The following SSRP1 variants were observed in gnomAD, a reference collection of about 807,000 sequenced individuals.
SSRP1 encodes the protein FACT complex subunit SSRP1.
In SSRP1, 21 loss-of-function variants were observed where a neutral mutation model predicts 84.4. That is an observed-to-expected ratio of 0.25 (90% confidence interval 0.18 to 0.36). The LOEUF is 0.36. SSRP1 is among the 10% of genes least tolerant of loss of function. The pLI, the probability that SSRP1 is intolerant of heterozygous loss-of-function variation, is 1.00. For synonymous variants in SSRP1, 319 were observed against 318.3 expected (o/e 1.00, Z -0.02); for missense variants, 519 against 900.8 (o/e 0.58, Z 5.43).
Position 57,331,573 on chromosome 11 carries a change from C to G in SSRP1, c.1223+95G>C, listed in dbSNP as rs566984550. On this transcript the variant is annotated intron_variant, in intron 9 of 16. Coordinates refer to ENST00000278412, the MANE Select transcript of SSRP1 (RefSeq NM_003146.3). ...GATGTAGCAAAAGAAAAATTCTGCT[C>G]TAGGGTTGGAGAGTGCCCCAGGCCA... 1.6e-5 allele frequency: 15 copies of G among 963,952 alleles called. No individual in the cohort carries two copies. In the East Asian group the frequency reaches 3.2e-4, roughly 20 times the overall value. 59.7% of individuals were successfully genotyped at this position (963,952 alleles called of 1,614,324 possible).
At chr11:57,331,972 C>G (rs1056920081) in intron 8 of SSRP1, 83 bp from the exon 9 acceptor site, 2 of 1,495,216 alleles carry the variant, frequency 1.3e-6, no homozygotes, top group Non-Finnish European at 1.8e-6. Flanking sequence ...CACGAGTGCT[C>G]ATGTCCTCGA....
chr11:57,328,163 A>C (rs1856021677), intron 13 of SSRP1, 134 bp downstream of exon 13: 1 of 1,383,504 alleles, frequency 7.2e-7, no homozygotes, highest in South Asian at 1.4e-5. Context: ...TCAAGGCTAT[A>C]ATCACTGGCT....
At chr11:57,334,690 G>A (rs910487321) in intron 2 of SSRP1, 42 bp from the exon 3 acceptor site, 1 of 1,604,042 alleles carries the variant, frequency 6.2e-7, no homozygotes, top group Non-Finnish European at 8.5e-7. Context: ...ACAGTACACA[G>A]CATGTCCTGG....
At chr11:57,334,848 A>G (rs1219873794) in intron 2 of SSRP1, among the ~76,000 whole-genome samples, 200 bp from the exon 3 acceptor site, 1 of 152,212 alleles carries the variant, frequency 6.6e-6, no homozygotes, top group Non-Finnish European at 1.5e-5. Context: ...CAGTTTCCTC[A>G]TTTGTAAAAC....
At position 57,328,247 on chromosome 11, in the gene SSRP1, G is replaced by A. The variant is rs187810730; in HGVS notation, c.1611+50C>T. The stretch of plus-strand genomic sequence containing the variant: ...AGAAGGTAAAGAGAATGCCTCCCAC[G>A]CCCCCCACCCACTGCACCACACACA... On this transcript the variant is annotated intron_variant, in intron 13 of 16. Coordinates refer to ENST00000278412, the MANE Select transcript of SSRP1 (RefSeq NM_003146.3). The A allele has an allele frequency of 6.9e-6, 11 of 1,594,124 alleles. No individual in the cohort carries two copies. Among genetic ancestry groups the A allele is most frequent in the East Asian group, 2.2e-5 (1 of 44,606 alleles).
At position 57,330,273 on chromosome 11, in the gene SSRP1, G is replaced by C; in HGVS notation, c.1435+18C>G. ...GAGCGTCTGACCATCCTCGTGCTCA[G>C]CACGGAGGCTAACCCACCGGTTTCT... On this transcript the variant is annotated intron_variant, in intron 11 of 16. Coordinates refer to ENST00000278412, the MANE Select transcript of SSRP1 (RefSeq NM_003146.3). The surrounding 1 kb of genome is among the most constrained non-coding windows in gnomAD (Gnocchi z 4.0). The C allele has an allele frequency of 1.9e-6, 3 of 1,614,218 alleles. No homozygotes were observed. Among genetic ancestry groups the C allele is most frequent in the Non-Finnish European group, 2.5e-6 (3 of 1,180,036 alleles).
rs765586387 is a variant in SSRP1 at position 57,328,379 on chromosome 11, C to T, written c.1529G>A (p.Ser510Asn). ...TTTCCGCTTCTTCTCATCCCGGTCACTGTCACCCTCATTACTGGAGGAGCT... is the reference window on the plus strand; with the variant it reads ...TTTCCGCTTCTTCTCATCCCGGTCATTGTCACCCTCATTACTGGAGGAGCT... ...SASSSSNEGDSDRDEKKRKQL... is the reference protein window; with the variant it reads ...SASSSSNEGDNDRDEKKRKQL... Residue 510 changes from serine (S) to asparagine (N), a missense_variant, in exon 13 of 17, where the codon AGT (serine) becomes AAT (asparagine). Ser to Asn is a conservative substitution (Grantham distance 46). Transcript: ENST00000278412. 1.9e-6 allele frequency: 3 copies of T among 1,614,238 alleles called. No individual in the cohort carries two copies. The South Asian group carries it at 3.3e-5, about 18-fold the overall frequency.
chr11:57,327,016 T>C (rs147230754), intron 15 of SSRP1, 127 bp from the exon 16 acceptor site: 894 of 1,432,442 alleles, frequency 6.2e-4, no homozygotes, highest in Admixed American at 2.1e-3. Context: ...TGAACGTAAA[T>C]AGCTGCGTCA....
Position 57,330,710 on chromosome 11 carries a change from G to C in SSRP1, c.1296+145C>G. On this transcript the variant is annotated intron_variant, in intron 10 of 16. Transcript: ENST00000278412. The surrounding 1 kb of genome is among the most constrained non-coding windows in gnomAD (Gnocchi z 4.0). ...GTCATGCAGAGGAAACCTGCACCAG[G>C]AGGGGGAAAGGGTCACACGCACCTC... 2 of 1,493,102 alleles carry C rather than the reference G, an allele frequency of 1.3e-6. No homozygotes were observed. Among genetic ancestry groups the C allele is most frequent in the East Asian group, 4.9e-5 (2 of 40,808 alleles). 92.5% of individuals were successfully genotyped at this position (1,493,102 alleles called of 1,614,324 possible). A position where few individuals can be genotyped will look rare whatever the true frequency, so the allele number is the denominator to read the frequency against.
rs866503538 is a variant in SSRP1, at chr11:57,327,658, C to G, written c.1782+54G>C. ...AGTCATGAGACTCGCCACCCCAAGA[C>G]AGCACCTCTCGCCAGCCCATGAGAG... On this transcript the variant is annotated intron_variant, in intron 14 of 16. Coordinates refer to ENST00000278412, the MANE Select transcript of SSRP1 (RefSeq NM_003146.3). The G allele has an allele frequency of 2.2e-5, 36 of 1,607,828 alleles. No homozygotes were observed. The African/African-American group carries it at 4.4e-4, about 20-fold the overall frequency.
chr11:57,335,500 A>G lies in SSRP1; in HGVS notation c.-120+230T>C, dbSNP rs1385597541. 3.3e-6 allele frequency: 1 copy of G among 307,210 alleles called. No individual in the cohort carries two copies. Among genetic ancestry groups the G allele is most frequent in the Admixed American group, 4.2e-5 (1 of 23,786 alleles). The allele number at this position is 307,210 out of a possible 1,614,324, so 19.0% of individuals were successfully genotyped here. On this transcript the variant is annotated intron_variant, in intron 1 of 16. Coordinates refer to ENST00000278412, the MANE Select transcript of SSRP1 (RefSeq NM_003146.3). This position sits in a 1 kb window ranked among gnomAD's most constrained non-coding sequence, Gnocchi z 4.6. ...CCATGGCAACGAGCAGCGGAACCCC[A>G]GGGTCTGCCAGGAGCCCGCACATCG...
intron 12 of SSRP1, 123 bp downstream of exon 12, chr11:57,329,970 G>T: frequency 8.4e-7 from 1 of 1,183,892 alleles, no homozygotes; most frequent in Non-Finnish European, 1.3e-6. Flanking sequence ...CACCTCATTG[G>T]AGGTCACTCT....
At chr11:57,333,624 C>A in intron 3 of SSRP1, 84 bp from the exon 4 acceptor site, 1 of 980,668 alleles carries the variant, frequency 1.0e-6, no homozygotes, top group Admixed American at 1.9e-5. Flanking sequence ...TTATCTATTT[C>A]TGAGAAACTG....
chr11:57,328,039 C>G, intron 13 of SSRP1, 157 bp from the exon 14 acceptor site: 1 of 992,868 alleles, frequency 1.0e-6, no homozygotes, highest in Non-Finnish European at 1.4e-6. Context: ...TATCTCCTTC[C>G]CCTCTGCAAT....
chr11:57,333,881 A>G (rs1222459442), intron 3 of SSRP1, among the ~76,000 whole-genome samples: 1 of 152,260 alleles, frequency 6.6e-6, no homozygotes, highest in Non-Finnish European at 1.5e-5. Flanking sequence ...GCCAGGCGCA[A>G]TGGCTCACGC....
intron 4 of SSRP1, 97 bp downstream of exon 4, chr11:57,333,338 C>T: frequency 8.2e-7 from 1 of 1,217,138 alleles, no homozygotes; most frequent in Middle Eastern, 2.0e-4. Context: ...GATAGGAAAC[C>T]AGAGACAGTG....
rs1376452082 is a variant in SSRP1 at position 57,333,179 on chromosome 11, G to C, written c.347-30C>G. On this transcript the variant is annotated intron_variant, in intron 4 of 16. Coordinates refer to ENST00000278412, the MANE Select transcript of SSRP1 (RefSeq NM_003146.3). Reference sequence around the variant, plus strand: ...GAGGAAAGGGCTTATCCAGCCACAAGCTCCTCCCCTTAAGTCTGCATAAGC... The same window carrying C: ...GAGGAAAGGGCTTATCCAGCCACAACCTCCTCCCCTTAAGTCTGCATAAGC... 9 of 1,584,670 alleles carry C rather than the reference G, an allele frequency of 5.7e-6. No individual in the cohort carries two copies. In the South Asian group the frequency reaches 6.9e-5, roughly 12 times the overall value.
Position 57,332,064 on chromosome 11 carries a change from C to T in SSRP1, c.1001+88G>A. On this transcript the variant is annotated intron_variant, in intron 8 of 16. Transcript: ENST00000278412. This position sits in a 1 kb window ranked among gnomAD's most constrained non-coding sequence, Gnocchi z 5.5. The stretch of plus-strand genomic sequence containing the variant: ...AGGTCCCATCCAGGCCTCTAGGAGG[C>T]CGCATTCCCATCTCAGGAAGGGTTT... 1 of 1,594,356 alleles carries T rather than the reference C, an allele frequency of 6.3e-7. No homozygotes were observed. Among genetic ancestry groups the T allele is most frequent in the African/African-American group, 1.3e-5 (1 of 74,544 alleles).
At position 57,332,086 on chromosome 11, in the gene SSRP1, G is replaced by T; in HGVS notation, c.1001+66C>A. The T allele has an allele frequency of 1.2e-6, 2 of 1,607,956 alleles. No individual in the cohort carries two copies. The highest frequency in any genetic ancestry group is 1.7e-6 in the Non-Finnish European group (2 of 1,178,062). ...AGGCCGCATTCCCATCTCAGGAAGG[G>T]TTTACCAAGGAGACACGGCATTTCC... On this transcript the variant is annotated intron_variant, in intron 8 of 16. Transcript: ENST00000278412. This position sits in a 1 kb window ranked among gnomAD's most constrained non-coding sequence, Gnocchi z 5.5.
Sources: allele counts gnomAD v4.1 joint callset (sites outside exome capture counted in the v4.1 genomes callset), GRCh38; gene constraint gnomAD v4.1.1; non-coding constraint Gnocchi (gnomAD v3.1); transcripts MANE v1.5; gene names NCBI Gene and HGNC (gene_info 2026-07-23, HGNC 2026-07-21).